The following UNK variants were observed in gnomAD, a reference collection of about 807,000 sequenced individuals.
UNK encodes unk zinc finger.
In UNK, 32 loss-of-function variants were observed where a neutral mutation model predicts 97.6. The observed-to-expected ratio is 0.33, with a 90% confidence interval of 0.25 to 0.44. UNK has a LOEUF of 0.44. Among genes scored for constraint, UNK ranks in the 20% least tolerant of loss-of-function variants. The pLI is 1.00. For missense variants in UNK, 771 were observed against 1,098.4 expected (o/e 0.70, Z 4.21); for synonymous variants, 441 against 461.2 (o/e 0.96, Z 0.56).
intron 1 of UNK, among the ~76,000 whole-genome samples, chr17:75,790,231 G>A (rs1317295637): frequency 1.3e-5 from 2 of 150,260 alleles, no homozygotes; most frequent in Admixed American, 1.3e-4. Context: ...CAGGAGGCGG[G>A]GGTTGCAGTG....
Position 75,816,213 on chromosome 17 carries a change from C to T in UNK, c.962-557C>T, listed in dbSNP as rs538085608. Reference sequence around the variant, plus strand: ...GCCACCAGTCTCAGAGACAGAGCTCCAGTTTGTACCTGTTAACACCTCTTT... The same window carrying T: ...GCCACCAGTCTCAGAGACAGAGCTCTAGTTTGTACCTGTTAACACCTCTTT... On this transcript the variant is annotated intron_variant, in intron 7 of 15. Coordinates refer to ENST00000589666, the MANE Select transcript of UNK (RefSeq NM_001080419.3). This position sits in a 1 kb window ranked among gnomAD's most constrained non-coding sequence, Gnocchi z 4.0. Among the ~76,000 whole-genome samples, 2 of 152,290 alleles carry T rather than the reference C, an allele frequency of 1.3e-5. No individual in the cohort carries two copies. The highest frequency in any genetic ancestry group is 3.9e-4 in the East Asian group (2 of 5,184).
intron 1 of UNK, among the ~76,000 whole-genome samples, chr17:75,806,386 G>A (rs2061916979): frequency 6.6e-6 from 1 of 151,914 alleles, no homozygotes; most frequent in Admixed American, 6.6e-5. Context: ...TTGAACCTGG[G>A]AGGCAGAGGT....
rs1301462138 is a variant in UNK at position 75,820,098 on chromosome 17, T to C, written c.1827T>C (p.His609=). The C allele has an allele frequency of 1.9e-6, 3 of 1,610,432 alleles. No homozygotes were observed. Among genetic ancestry groups the C allele is most frequent in the Admixed American group, 1.7e-5 (1 of 59,664 alleles). The part of the protein sequence containing the change: ...ENTFLGTSAS[H]GSLGLNGMNS... ...CATTTTTGGGAACCTCAGCATCACA[T>C]GGATCTTTGGGTAAGAGAGGGAGTG... The change falls in exon 13 of 16, where the codon CAT becomes CAC. Residue 609 remains histidine, a synonymous_variant. Transcript: ENST00000589666.
rs769597072 is a variant in UNK at position 75,813,719 on chromosome 17, CCTT to C, written c.759-39_759-37del. The stretch of plus-strand genomic sequence containing the variant: ...TGGCACCTGCTAGGCTCCGATCTCA[CCTT>C]CTCCTTTCTCCATCTGACCCCACCC... On this transcript the variant is annotated intron_variant, in intron 5 of 15. Coordinates refer to ENST00000589666, the MANE Select transcript of UNK (RefSeq NM_001080419.3). The C allele has an allele frequency of 5.2e-5, 80 of 1,525,502 alleles. No homozygotes were observed. In the African/African-American group the frequency reaches 9.3e-4, roughly 18 times the overall value. 94.5% of individuals were successfully genotyped at this position (1,525,502 alleles called of 1,614,324 possible).
intron 1 of UNK, among the ~76,000 whole-genome samples, chr17:75,806,205 C>T (rs1364287424): frequency 1.3e-5 from 2 of 152,072 alleles, no homozygotes; most frequent in African/African-American, 2.4e-5. Flanking sequence ...CCTGTAATCC[C>T]GGCACTTTGG....
chr17:75,822,683 CT>C, intron 14 of UNK, 25 bp downstream of exon 14: 1 of 1,570,796 alleles, frequency 6.4e-7, no homozygotes, highest in Non-Finnish European at 8.7e-7. Flanking sequence ...GCCTGCCGGC[CT>C]TCCCCAGTGC....
intron 13 of UNK, chr17:75,821,494 G>A (rs1329933068): frequency 6.8e-6 from 3 of 438,754 alleles, no homozygotes; most frequent in Non-Finnish European, 1.4e-5. Context: ...TCTCATGTGG[G>A]TGGGGTGACC....
chr17:75,788,329 G>A (rs960647686), intron 1 of UNK, among the ~76,000 whole-genome samples: 1 of 151,992 alleles, frequency 6.6e-6, no homozygotes. Context: ...GCAGGCACAC[G>A]CCACCATGGC....
intron 1 of UNK, among the ~76,000 whole-genome samples, chr17:75,804,360 C>A (rs2061890894): frequency 6.6e-6 from 1 of 152,044 alleles, no homozygotes; most frequent in South Asian, 2.1e-4. Context: ...GAGGCTGAGG[C>A]AGGGGAATCG....
rs1368869173 is a variant in UNK, at chr17:75,816,548, C to G, written c.962-222C>G. Among the ~76,000 whole-genome samples the G allele has an allele frequency of 1.3e-5, 2 of 152,250 alleles. No individual in the cohort carries two copies. The highest frequency in any genetic ancestry group is 2.9e-5 in the Non-Finnish European group (2 of 68,046). ...TATTTATAAAATGGAGACCATATTA[C>G]TGGTATCTTCTGGTCACCATGAAGA... On this transcript the variant is annotated intron_variant, in intron 7 of 15. Transcript: ENST00000589666. The surrounding 1 kb of genome is among the most constrained non-coding windows in gnomAD (Gnocchi z 4.0).
At chr17:75,821,116 A>G (rs886154410) in intron 13 of UNK, 7 of 249,690 alleles carry the variant, frequency 2.8e-5, no homozygotes, top group Non-Finnish European at 4.8e-5. Flanking sequence ...CAGTGGCATG[A>G]TCCTAGCTCA....
chr17:75,812,100 A>G lies in UNK; in HGVS notation c.315-12A>G, dbSNP rs1567804175. The stretch of plus-strand genomic sequence containing the variant: ...GCAGCAAAGTTGAGTGACCCCCACT[A>G]CCGTGTTCCAGGTGCCCATTCCTGC... On this transcript the variant is annotated splice_polypyrimidine_tract_variant and intron_variant, in intron 2 of 15. Coordinates refer to ENST00000589666, the MANE Select transcript of UNK (RefSeq NM_001080419.3). 1.9e-6 allele frequency: 3 copies of G among 1,587,668 alleles called. No individual in the cohort carries two copies. The highest frequency in any genetic ancestry group is 2.6e-6 in the Non-Finnish European group (3 of 1,163,698).
Position 75,816,725 on chromosome 17 carries a change from CAG to C in UNK, c.962-42_962-41del. 1.9e-6 allele frequency: 3 copies of C among 1,560,222 alleles called. No homozygotes were observed. The highest frequency in any genetic ancestry group is 2.3e-4 in the Middle Eastern group (1 of 4,274). ...GGACCCAGGAGCATTTTTGGAGGGA[CAG>C]AGCTGGCTGGGGCCTGCTGACCCCT... On this transcript the variant is annotated intron_variant, in intron 7 of 15. Coordinates refer to ENST00000589666, the MANE Select transcript of UNK (RefSeq NM_001080419.3). This position sits in a 1 kb window ranked among gnomAD's most constrained non-coding sequence, Gnocchi z 4.0.
At position 75,813,025 on chromosome 17, in the gene UNK, TG is replaced by T. The variant is rs1233729243; in HGVS notation, c.623-49del. On this transcript the variant is annotated intron_variant, in intron 4 of 15. Transcript: ENST00000589666. ...CCCTCCACTCCAGTCCTGCTAGTCT[TG>T]GGGTGCTCCAGCTCCTCTCACCTGA... 5 of 1,530,606 alleles carry T rather than the reference TG, an allele frequency of 3.3e-6. No individual in the cohort carries two copies. The African/African-American group carries it at 4.1e-5, about 13-fold the overall frequency. The allele number at this position is 1,530,606 out of a possible 1,614,324, so 94.8% of individuals were successfully genotyped here. A position where few individuals can be genotyped will look rare whatever the true frequency, so the allele number is the denominator to read the frequency against.
Position 75,823,386 on chromosome 17 carries a change from A to G in UNK, c.2141A>G (p.Gln714Arg). 1.2e-6 allele frequency: 2 copies of G among 1,610,524 alleles called. No individual in the cohort carries two copies. The highest frequency in any genetic ancestry group is 8.5e-7 in the Non-Finnish European group (1 of 1,178,582). ...CTGGAGGTGCAGGTGAAGAAGCTCCAGGAGGAGCTGGAGCGGCTACACGCG... is the reference window on the plus strand; with the variant it reads ...CTGGAGGTGCAGGTGAAGAAGCTCCGGGAGGAGCTGGAGCGGCTACACGCG... ...DALEVQVKKL[Q>R]EELERLHAGP... The change falls in exon 15 of 16, where the codon CAG becomes CGG. Residue 714 changes from glutamine to arginine, a missense_variant. This residue lies in a region of UNK where 208 missense variants were observed against 257.4 expected (regional missense o/e 0.81). Transcript: ENST00000589666.
intron 1 of UNK, among the ~76,000 whole-genome samples, chr17:75,798,744 A>C (rs1405121839): frequency 6.6e-6 from 1 of 151,892 alleles, no homozygotes; most frequent in East Asian, 1.9e-4. Flanking sequence ...GGTGGCTCAT[A>C]CCTGTAATCC....
chr17:75,815,327 C>T (rs369402247), intron 7 of UNK, 74 bp downstream of exon 7: 65 of 1,425,680 alleles, frequency 4.6e-5, no homozygotes, highest in African/African-American at 4.2e-4. Context: ...AGGCTTAGGC[C>T]GGGGATGGCC....
intron 1 of UNK, chr17:75,791,850 T>C (rs2061766294): frequency 5.1e-6 from 5 of 985,448 alleles, no homozygotes; most frequent in Non-Finnish European, 6.0e-6. Context: ...CTGTGACTTA[T>C]TGGTGAGGGC....
chr17:75,815,535 A>G (rs892296317), intron 7 of UNK, among the ~76,000 whole-genome samples: 4 of 152,214 alleles, frequency 2.6e-5, no homozygotes, highest in East Asian at 1.9e-4. Context: ...TGTGCCTCCC[A>G]TGGCTGACTT....
Sources: gnomAD v4.1 joint callset for allele counts (sites outside exome capture counted in the v4.1 genomes callset) on GRCh38, gnomAD v4.1.1 for gene constraint, gnomAD v4.1.1 regional missense constraint, Gnocchi (gnomAD v3.1) non-coding constraint, MANE v1.5 for transcripts, NCBI Gene and HGNC (gene_info 2026-07-23, HGNC 2026-07-21) for gene names.